The following RABGEF1 variants were observed in gnomAD, a reference collection of about 807,000 sequenced individuals.
RABGEF1 encodes the protein rab5 GDP/GTP exchange factor.
In RABGEF1, 26 loss-of-function variants were observed where a neutral mutation model predicts 57.3. The ratio of observed to expected loss-of-function variants is 0.45; its 90% CI spans 0.33 to 0.63. The LOEUF (loss-of-function observed/expected upper bound fraction) is 0.63, where lower values mean the gene tolerates loss of function less well. Among genes scored for constraint, RABGEF1 ranks in the 20% least tolerant of loss-of-function variants. The probability of loss-of-function intolerance (pLI) is 0.02; values close to 1 mark genes in which losing one functional copy is unlikely to be tolerated. For synonymous variants in RABGEF1, 185 were observed against 210.7 expected, an observed-to-expected ratio of 0.88 and a Z score of 1.06; for missense variants, 464 against 607.6, an observed-to-expected ratio of 0.76 and a Z score of 2.48.
chr7:66,657,673 T>G, the RABGEF1 span, among the ~76,000 whole-genome samples: 1 of 151,916 alleles, frequency 6.6e-6, no homozygotes, highest in Non-Finnish European at 1.5e-5. Flanking sequence ...ATACAAAAAT[T>G]AGCCAGGCAT....
intron 1 of RABGEF1, among the ~76,000 whole-genome samples, chr7:66,697,402 C>T (rs1792508999): frequency 1.3e-5 from 2 of 152,190 alleles, no homozygotes; most frequent in Non-Finnish European, 2.9e-5. Context: ...CATTCTATAA[C>T]ATAATTTCTG....
chr7:66,680,712 C>A (rs1789651290), upstream of RABGEF1, among the ~76,000 whole-genome samples: 1 of 152,008 alleles, frequency 6.6e-6, no homozygotes, highest in South Asian at 2.1e-4. Context: ...TTTGGGAGAC[C>A]AAGGCAGGTG....
chr7:66,769,312 A>G (rs944655740), intron 1 of RABGEF1, among the ~76,000 whole-genome samples: 3 of 152,236 alleles, frequency 2.0e-5, no homozygotes, highest in African/African-American at 4.8e-5. Flanking sequence ...CTCCCCAGCA[A>G]CTGCAGTCGC....
chr7:66,785,328 G>A (rs1810902036), intron 4 of RABGEF1, among the ~76,000 whole-genome samples: 1 of 152,154 alleles, frequency 6.6e-6, no homozygotes, highest in Non-Finnish European at 1.5e-5. Flanking sequence ...TTCATGGTTA[G>A]GTGGCCAAGT....
chr7:66,786,340 C>A (rs1406804576), intron 4 of RABGEF1, among the ~76,000 whole-genome samples: 1 of 152,162 alleles, frequency 6.6e-6, no homozygotes, highest in African/African-American at 2.4e-5. Flanking sequence ...ATTTTCATAC[C>A]CACTGCAGTA....
In RABGEF1 at chr7:66,771,921, C is replaced by A; in HGVS notation, c.22C>A (p.Arg8=). 6.4e-7 allele frequency: 1 copy of A among 1,555,886 alleles called. No homozygotes were observed. The highest frequency in any genetic ancestry group is 8.7e-7 in the Non-Finnish European group (1 of 1,150,262). The change falls in exon 2 of 9, where the codon CGA becomes AGA. Residue 8 remains arginine (R), a synonymous_variant. Transcript: ENST00000284957. ...GAAGATGAGCCTTAAGTCTGAACGC[C>A]GAGGAATTCATGTGGATCAATCGGA... The part of the protein sequence containing the change: MSLKSER[R]GIHVDQSDLL...
intron 2 of RABGEF1, among the ~76,000 whole-genome samples, chr7:66,731,020 C>T (rs775087200): frequency 1.1e-4 from 16 of 152,138 alleles, no homozygotes; most frequent in Admixed American, 5.9e-4. Context: ...GGCCAGGCTG[C>T]GGGCCTCCTG....
At chr7:66,711,280 ATGT>A in intron 1 of RABGEF1, among the ~76,000 whole-genome samples, 1 of 152,186 alleles carries the variant, frequency 6.6e-6, no homozygotes, top group African/African-American at 2.4e-5. Context: ...TGTGGTTTTG[ATGT>A]TGTATCTAAG....
chr7:66,804,738 GAAA>G (rs35870963), intron 7 of RABGEF1, among the ~76,000 whole-genome samples: 2 of 105,558 alleles, frequency 1.9e-5, no homozygotes. Context: ...AACTCAGTCT[GAAA>G]AAAAAAAAAA....
intron 1 of RABGEF1, among the ~76,000 whole-genome samples, chr7:66,684,218 G>A (rs1477316078): frequency 6.6e-6 from 1 of 152,126 alleles, no homozygotes; most frequent in East Asian, 1.9e-4. Flanking sequence ...GGCCGAGGCG[G>A]TTGGATCACG....
chr7:66,700,810 ACT>A (rs1793135873), intron 1 of RABGEF1, among the ~76,000 whole-genome samples: 1 of 152,058 alleles, frequency 6.6e-6, no homozygotes, highest in Non-Finnish European at 1.5e-5. Context: ...AGGCCTGGAC[ACT>A]CTCTGAGGAC....
rs1237486610 is a variant in RABGEF1 at position 66,806,207 on chromosome 7, C to T, written c.1077+811C>T. On this transcript the variant is annotated intron_variant, in intron 8 of 8. Coordinates refer to ENST00000284957, the MANE Select transcript of RABGEF1 (RefSeq NM_014504.3). ...GGGGAGGGGAAGCCAGGATGCATTG[C>T]GAGTATTTCTGATAAATTGCCAAAA... Among the ~76,000 whole-genome samples, 11 of 152,058 alleles carry T rather than the reference C, an allele frequency of 7.2e-5. No homozygotes were observed. The East Asian group carries it at 7.7e-4, about 11-fold the overall frequency.
chr7:66,679,297 G>A (rs1380257276), upstream of RABGEF1, among the ~76,000 whole-genome samples: 3 of 152,122 alleles, frequency 2.0e-5, no homozygotes, highest in African/African-American at 7.2e-5. Flanking sequence ...AAAGCTGCAA[G>A]CTTCTTGGTT....
At chr7:66,663,125 T>G in the RABGEF1 span, among the ~76,000 whole-genome samples, 1 of 152,266 alleles carries the variant, frequency 6.6e-6, no homozygotes, top group Non-Finnish European at 1.5e-5. Context: ...AAGGGCGTGT[T>G]CCTGCTGCAG....
the RABGEF1 span, among the ~76,000 whole-genome samples, chr7:66,655,238 A>T: frequency 1.3e-5 from 2 of 152,122 alleles, no homozygotes; most frequent in Non-Finnish European, 2.9e-5. Context: ...TTAGGAGCAG[A>T]AGTCCCTACT....
chr7:66,730,306 T>C (rs1441817353), intron 2 of RABGEF1, among the ~76,000 whole-genome samples: 1 of 152,194 alleles, frequency 6.6e-6, no homozygotes, highest in Admixed American at 6.5e-5. Context: ...CTGTTTCTGC[T>C]GAGCGCCAGC....
chr7:66,771,816 A>G, intron 1 of RABGEF1, 67 bp from the exon 2 acceptor site: 5 of 1,209,778 alleles, frequency 4.1e-6, no homozygotes, highest in Non-Finnish European at 5.5e-6. Flanking sequence ...CTTTTTGTTC[A>G]TAATTGGTAA....
intron 7 of RABGEF1, among the ~76,000 whole-genome samples, chr7:66,801,930 G>A (rs1340752360): frequency 1.3e-5 from 2 of 152,120 alleles, no homozygotes; most frequent in Non-Finnish European, 1.5e-5. Context: ...TTATTTTTGA[G>A]ACAGGATCTC....
intron 2 of RABGEF1, among the ~76,000 whole-genome samples, chr7:66,774,529 T>C (rs1433627870): frequency 2.0e-5 from 3 of 152,204 alleles, no homozygotes; most frequent in Non-Finnish European, 4.4e-5. Context: ...ATTCAGCTTG[T>C]TGTGAAGCAA....
Sources: gnomAD v4.1 joint callset for allele counts (sites outside exome capture counted in the v4.1 genomes callset) on GRCh38, gnomAD v4.1.1 for gene constraint, MANE v1.5 for transcripts, NCBI Gene and HGNC (gene_info 2026-07-23, HGNC 2026-07-21) for gene names.